The following THAP7 variants were observed in gnomAD, a reference collection of about 807,000 sequenced individuals.
The protein encoded by THAP7 is THAP domain containing 7, also known as THAP domain-containing protein 7.
Under a neutral mutation model 29.2 loss-of-function variants are expected in THAP7, and 22 were observed. The observed-to-expected ratio is 0.75, with a 90% confidence interval of 0.54 to 1.08. THAP7 has a LOEUF of 1.08. Among genes scored for constraint, THAP7 ranks in the 50% least tolerant of loss-of-function variants. The pLI is 0.00. For missense variants in THAP7, 448 were observed against 416.2 expected (o/e 1.08, Z -0.66); for synonymous variants, 208 against 173.4 (o/e 1.20, Z -1.57).
At position 21,000,371 on chromosome 22, in the gene THAP7, A is replaced by C; in HGVS notation, c.439T>G (p.Cys147Gly). ...GCTGAGGCCTCTTCCACAGGAAAGC[A>C]GGTGACATCAGCAGGTGGAGGTGGA... Reference protein sequence around the residue: ...FSPPPPADVTCFPVEEASAPA... With the variant: ...FSPPPPADVTGFPVEEASAPA... The change falls in exon 4 of 4, where the codon TGC becomes GGC. Residue 147 changes from cysteine to glycine, a missense_variant. Transcript: ENST00000215742. 1 of 1,553,714 alleles carries C rather than the reference A, an allele frequency of 6.4e-7. No homozygotes were observed. Among genetic ancestry groups the C allele is most frequent in the South Asian group, 1.2e-5 (1 of 84,422 alleles).
At chr22:21,001,191 G>A in intron 2 of THAP7, 65 bp downstream of exon 2, 1 of 1,591,472 alleles carries the variant, frequency 6.3e-7, no homozygotes, top group East Asian at 2.2e-5. Flanking sequence ...TCCATGACCT[G>A]CAGCTGTCCC....
chr22:21,000,191 G>A lies in THAP7; in HGVS notation c.619C>T (p.Arg207Trp), dbSNP rs762016363. ...PERQPSPLEP[R>W]PVSPSAYMLR... ...ATATACGCTGAGGGGGAGACTGGCC[G>A]TGGTTCGAGAGGGGAGGGCTGCCGC... The change falls in exon 4 of 4, where the codon CGG becomes TGG. Residue 207 changes from arginine (R) to tryptophan (W), a missense_variant. Transcript: ENST00000215742. 8 of 1,561,348 alleles carry A rather than the reference G, an allele frequency of 5.1e-6. No individual in the cohort carries two copies. The highest frequency in any genetic ancestry group is 6.9e-6 in the Non-Finnish European group (8 of 1,153,080).
rs762588136 is a variant in THAP7, at chr22:20,999,861, C to G, written c.*19G>C. On this transcript the variant is annotated 3_prime_UTR_variant, in exon 4 of 4. Transcript: ENST00000215742. ...GCTGCAGTCTTGCTGGGCAGCCCCTCGGTCAGTCCAGCAGCCCCTCAGGCC... is the reference window on the plus strand; with the variant it reads ...GCTGCAGTCTTGCTGGGCAGCCCCTGGGTCAGTCCAGCAGCCCCTCAGGCC... 2 of 1,587,420 alleles carry G rather than the reference C, an allele frequency of 1.3e-6. No individual in the cohort carries two copies.
Position 21,001,847 on chromosome 22 carries a change from C to T in THAP7, c.65G>A (p.Gly22Asp). The T allele has an allele frequency of 1.3e-6, 2 of 1,559,194 alleles. No individual in the cohort carries two copies. Among genetic ancestry groups the T allele is most frequent in the South Asian group, 1.2e-5 (1 of 84,622 alleles). Residue 22 changes from glycine to aspartate, a missense_variant, in exon 1 of 4, where the codon GGC (glycine) becomes GAC (aspartate). Transcript: ENST00000215742. ...GCGCGCTGACCTGTGGAAGGAGATG[C>T]CGCGGTTGCGCGTCTCGCGCGTGTC... is the stretch of plus-strand genomic sequence containing the variant. The part of the protein sequence containing the change: ...TRDTRETRNR[G>D]ISFHRLPKKD...
At position 21,000,290 on chromosome 22, in the gene THAP7, GGCT is replaced by G; in HGVS notation, c.517_519del (p.Ser173del). Reference sequence around the variant, plus strand: ...AAGGGGCCCAGTAGGTCTGAAAAGGGGCTGCTAAGGCCAGGCTCCAGCCTCCCA... The same window carrying G: ...AAGGGGCCCAGTAGGTCTGAAAAGGGGCTAAGGCCAGGCTCCAGCCTCCCA... On this transcript the variant is annotated inframe_deletion, in exon 4 of 4. Transcript: ENST00000215742. 3.2e-6 allele frequency: 5 copies of G among 1,556,726 alleles called. No homozygotes were observed. Among genetic ancestry groups the G allele is most frequent in the Non-Finnish European group, 3.5e-6 (4 of 1,150,400 alleles).
chr22:21,001,092 C>A, intron 2 of THAP7, 164 bp downstream of exon 2: 1 of 1,088,058 alleles, frequency 9.2e-7, no homozygotes. Context: ...CCCCTTGTGT[C>A]ACAGGCACAG....
chr22:21,001,943 G>A lies in THAP7; in HGVS notation c.-32C>T, dbSNP rs374677075. 437 of 1,526,734 alleles carry A rather than the reference G, an allele frequency of 2.9e-4. 2 individuals are homozygous for A. The African/African-American group carries it at 4.8e-3, about 17-fold the overall frequency. 94.6% of individuals were successfully genotyped at this position (1,526,734 alleles called of 1,614,324 possible). ...AAGAGGCGGGAGTTAAGTCGCAAGC[G>A]GCTCTCCGGGCATCCGGAGGAGCCT... On this transcript the variant is annotated 5_prime_UTR_variant, in exon 1 of 4. Coordinates refer to ENST00000215742, the MANE Select transcript of THAP7 (RefSeq NM_030573.3).
Position 21,001,836 on chromosome 22 carries a change from G to A in THAP7, c.76C>T (p.His26Tyr). 1 of 1,556,532 alleles carries A rather than the reference G, an allele frequency of 6.4e-7. No homozygotes were observed. The change falls in exon 1 of 4, where the codon CAC (histidine) becomes TAC (tyrosine). Residue 26 changes from histidine to tyrosine, a missense_variant. Transcript: ENST00000215742. ...RETRNRGISF[H>Y]RLPKKDNPRR... ...CCGCGGCGCACGCGCGCTGACCTGT[G>A]GAAGGAGATGCCGCGGTTGCGCGTC...
Position 21,001,969 on chromosome 22 carries a change from C to T in THAP7, c.-58G>A. The stretch of plus-strand genomic sequence containing the variant: ...GCTCTCCGGGCATCCGGAGGAGCCT[C>T]GCGCCTCCAGCCGCCGCTCCTCCCC... On this transcript the variant is annotated 5_prime_UTR_variant, in exon 1 of 4. Transcript: ENST00000215742. 6.8e-7 allele frequency: 1 copy of T among 1,481,212 alleles called. No homozygotes were observed. The highest frequency in any genetic ancestry group is 9.0e-7 in the Non-Finnish European group (1 of 1,109,022). 91.8% of individuals were successfully genotyped at this position (1,481,212 alleles called of 1,614,324 possible). A position where few individuals can be genotyped will look rare whatever the true frequency, so the allele number is the denominator to read the frequency against.
Position 21,002,087 on chromosome 22 carries a change from C to A in THAP7, c.-176G>T. On this transcript the variant is annotated 5_prime_UTR_variant, in exon 1 of 4. Coordinates refer to ENST00000215742, the MANE Select transcript of THAP7 (RefSeq NM_030573.3). ...TTGACTTCTGTCAGCGGCACTCACG[C>A]TCTGGCCATTGCTGCGCCGCCGAAG... The A allele has an allele frequency of 1.6e-6, 1 of 613,252 alleles. No individual in the cohort carries two copies. Among genetic ancestry groups the A allele is most frequent in the Non-Finnish European group, 2.7e-6 (1 of 367,890 alleles). The allele number at this position is 613,252 out of a possible 1,614,324, so 38.0% of individuals were successfully genotyped here.
chr22:21,002,085 C>G lies in THAP7; in HGVS notation c.-174G>C. On this transcript the variant is annotated 5_prime_UTR_variant, in exon 1 of 4. Coordinates refer to ENST00000215742, the MANE Select transcript of THAP7 (RefSeq NM_030573.3). ...TCTTGACTTCTGTCAGCGGCACTCA[C>G]GCTCTGGCCATTGCTGCGCCGCCGA... 3 of 616,328 alleles carry G rather than the reference C, an allele frequency of 4.9e-6. No individual in the cohort carries two copies. The highest frequency in any genetic ancestry group is 2.7e-6 in the Non-Finnish European group (1 of 370,860). 38.2% of individuals were successfully genotyped at this position (616,328 alleles called of 1,614,324 possible). A position where few individuals can be genotyped will look rare whatever the true frequency, so the allele number is the denominator to read the frequency against.
Position 21,001,893 on chromosome 22 carries a change from C to G in THAP7, c.19G>C (p.Ala7Pro). The G allele has an allele frequency of 6.4e-7, 1 of 1,572,080 alleles. No individual in the cohort carries two copies. ...GTGTCCCGTGTGCAGCAGCCGGCGGCGGAGCAGTGACGCGGCATCTGGGAA... is the reference window on the plus strand; with the variant it reads ...GTGTCCCGTGTGCAGCAGCCGGCGGGGGAGCAGTGACGCGGCATCTGGGAA... MPRHCS[A>P]AGCCTRDTRE... The change falls in exon 1 of 4, where the codon GCC becomes CCC. Residue 7 changes from alanine to proline, a missense_variant. Physicochemically the swap from Ala to Pro is conservative, Grantham distance 27. Transcript: ENST00000215742.
Position 20,999,865 on chromosome 22 carries a change from C to A in THAP7, c.*15G>T. On this transcript the variant is annotated 3_prime_UTR_variant, in exon 4 of 4. Transcript: ENST00000215742. ...CAGTCTTGCTGGGCAGCCCCTCGGT[C>A]AGTCCAGCAGCCCCTCAGGCCATGC... 1 of 1,590,994 alleles carries A rather than the reference C, an allele frequency of 6.3e-7. No homozygotes were observed. The highest frequency in any genetic ancestry group is 1.1e-5 in the South Asian group (1 of 89,846).
In THAP7 at chr22:20,999,172, T is replaced by A. The variant is rs1037636004; in HGVS notation, c.*708A>T. ...GCAGCTGCAGCAAGGCCTTCCAGGT[T>A]CCTGGGAGTTGAAGGAAAAGGATGC... On this transcript the variant is annotated 3_prime_UTR_variant, in exon 4 of 4. Transcript: ENST00000215742. 1.3e-5 allele frequency: 2 copies of A among 152,196 alleles called. No homozygotes were observed. The highest frequency in any genetic ancestry group is 1.3e-4 in the Admixed American group (2 of 15,264). 9.4% of individuals were successfully genotyped at this position (152,196 alleles called of 1,614,324 possible). A position where few individuals can be genotyped will look rare whatever the true frequency, so the allele number is the denominator to read the frequency against.
intron 1 of THAP7, 135 bp downstream of exon 1, chr22:21,001,697 T>A (rs1925175088): frequency 9.2e-7 from 1 of 1,085,442 alleles, no homozygotes; most frequent in East Asian, 2.7e-5. Flanking sequence ...CCGGGACCGT[T>A]CCGCTTCACC....
chr22:21,001,149 A>C, intron 2 of THAP7, 107 bp downstream of exon 2: 1 of 1,488,396 alleles, frequency 6.7e-7, no homozygotes, highest in Non-Finnish European at 9.1e-7. Flanking sequence ...AACAGGAAAC[A>C]GCCCCCTTGG....
At chr22:21,001,790 C>T (rs777036740) in intron 1 of THAP7, 42 bp downstream of exon 1, 4 of 1,533,240 alleles carry the variant, frequency 2.6e-6, no homozygotes, top group South Asian at 1.2e-5. Flanking sequence ...CGAGCAACAA[C>T]TAGCGCATGC....
rs1201768060 is a variant in THAP7 at position 21,000,204 on chromosome 22, G to A, written c.606C>T (p.Ser202=). ...SAQPSPERQP[S]PLEPRPVSPS... The stretch of plus-strand genomic sequence containing the variant: ...GGGAGACTGGCCGTGGTTCGAGAGG[G>A]GAGGGCTGCCGCTCTGGTGAAGGCT... The change falls in exon 4 of 4, where the codon TCC becomes TCT. Residue 202 remains serine (S), a synonymous_variant. Transcript: ENST00000215742. 1 of 1,559,372 alleles carries A rather than the reference G, an allele frequency of 6.4e-7. No individual in the cohort carries two copies. Among genetic ancestry groups the A allele is most frequent in the African/African-American group, 1.4e-5 (1 of 73,734 alleles).
In THAP7 at chr22:21,000,250, T is replaced by C. The variant is rs1344682639; in HGVS notation, c.560A>G (p.Asp187Gly). The part of the protein sequence containing the change: ...DLLGPLGAQA[D>G]EAGCSAQPSP... ...AGGCTGGGCGCTGCAGCCTGCTTCA[T>C]CTGCCTGGGCACCCAAGGGGCCCAG... Residue 187 changes from aspartate to glycine, a missense_variant, in exon 4 of 4, where the codon GAT (aspartate) becomes GGT (glycine). Coordinates refer to ENST00000215742, the MANE Select transcript of THAP7 (RefSeq NM_030573.3). 3 of 1,557,278 alleles carry C rather than the reference T, an allele frequency of 1.9e-6. No homozygotes were observed. Among genetic ancestry groups the C allele is most frequent in the African/African-American group, 1.4e-5 (1 of 73,656 alleles).
Sources: gnomAD v4.1 joint callset for allele counts on GRCh38, gnomAD v4.1.1 for gene constraint, MANE v1.5 for transcripts, NCBI Gene and HGNC (gene_info 2026-07-23, HGNC 2026-07-21) for gene names.